GCLC: variants seen among roughly 807,000 people sequenced by gnomAD.
GCLC encodes the protein glutamate-cysteine ligase catalytic subunit.
GCLC carries 30 observed loss-of-function variants against 81.5 expected under a neutral mutation model. The ratio of observed to expected loss-of-function variants is 0.37; its 90% CI spans 0.28 to 0.50. The LOEUF (loss-of-function observed/expected upper bound fraction) is 0.50. Among genes scored for constraint, GCLC ranks in the 20% least tolerant of loss-of-function variants. The pLI, the probability that GCLC is intolerant of heterozygous loss-of-function variation, is 0.96. For synonymous variants in GCLC, 262 were observed against 273.3 expected, an observed-to-expected ratio of 0.96 and a Z score of 0.41; for missense variants, 556 against 777.4, an observed-to-expected ratio of 0.72 and a Z score of 3.39.
chr6:53,534,573 C>T (rs560519337), intron 1 of GCLC, among the ~76,000 whole-genome samples: 34 of 151,898 alleles, frequency 2.2e-4, no homozygotes, highest in African/African-American at 6.3e-4. Flanking sequence ...CCCTGAGAAA[C>T]GGGGGAAAAT....
At chr6:53,539,806 G>T (rs933425431) in intron 1 of GCLC, among the ~76,000 whole-genome samples, 1 of 152,058 alleles carries the variant, frequency 6.6e-6, no homozygotes, top group Non-Finnish European at 1.5e-5. Context: ...TTTTATCTGC[G>T]CAGCCTGTTT....
At chr6:53,508,778 T>C (rs557776752) in intron 7 of GCLC, 67 bp from the exon 8 acceptor site, 15 of 1,038,926 alleles carry the variant, frequency 1.4e-5, no homozygotes, top group Non-Finnish European at 2.1e-5. Flanking sequence ...AAAAGCTCCA[T>C]GCAGTTATAT....
Position 53,506,934 on chromosome 6 carries a change from A to G in GCLC, c.1176T>C (p.Ala392=). 1 of 1,579,102 alleles carries G rather than the reference A, an allele frequency of 6.3e-7. No homozygotes were observed. The highest frequency in any genetic ancestry group is 8.7e-7 in the Non-Finnish European group (1 of 1,147,946). The part of the protein sequence containing the change: ...LFEEKIHLDD[A]NESDHFENIQ... The stretch of plus-strand genomic sequence containing the variant: ...ATACCTCAAAATGGTCAGACTCATT[A>G]GCATCATCCAGGTGTATTTTCTCTT... The change falls in exon 10 of 16, where the codon GCT becomes GCC. Residue 392 remains alanine, a synonymous_variant. Coordinates refer to ENST00000650454, the MANE Select transcript of GCLC (RefSeq NM_001498.4). The surrounding 1 kb of genome is among the most constrained non-coding windows in gnomAD (Gnocchi z 4.0).
At chr6:53,511,221 G>A (rs1581733327) in intron 6 of GCLC, among the ~76,000 whole-genome samples, 4 of 149,574 alleles carry the variant, frequency 2.7e-5, no homozygotes, top group Admixed American at 2.0e-4. Flanking sequence ...GTGCTAAAGA[G>A]GATGACATGC....
chr6:53,501,084 T>C (rs1316919705), intron 12 of GCLC: 2 of 169,294 alleles, frequency 1.2e-5, no homozygotes, highest in Admixed American at 1.1e-4. Context: ...ACTCGGCTAA[T>C]TTTTTTGTAT....
chr6:53,544,464 G>C (rs199615735), intron 1 of GCLC, 32 bp downstream of exon 1: 195 of 1,601,244 alleles, frequency 1.2e-4, no homozygotes, highest in Non-Finnish European at 1.6e-4. Context: ...AGACACGGGT[G>C]CCCGGCGGGG....
In GCLC at chr6:53,507,039, TC is replaced by T; in HGVS notation, c.1085-15del. The T allele has an allele frequency of 2.1e-6, 3 of 1,403,006 alleles. No individual in the cohort carries two copies. Among genetic ancestry groups the T allele is most frequent in the Non-Finnish European group, 3.0e-6 (3 of 987,528 alleles). 86.9% of individuals were successfully genotyped at this position (1,403,006 alleles called of 1,614,324 possible). On this transcript the variant is annotated splice_polypyrimidine_tract_variant and intron_variant, in intron 9 of 15. Transcript: ENST00000650454. ...GATGATCAATGCCTGCAAAAAGAGATCACATGGGAACTCACTGCAAAGCGAG... is the reference window on the plus strand; with the variant it reads ...GATGATCAATGCCTGCAAAAAGAGATACATGGGAACTCACTGCAAAGCGAG...
At chr6:53,543,093 T>C (rs1470265816) in intron 1 of GCLC, among the ~76,000 whole-genome samples, 1 of 152,194 alleles carries the variant, frequency 6.6e-6, no homozygotes, top group Admixed American at 6.5e-5. Context: ...CTTGAAATAG[T>C]AGTTCATTCA....
Position 53,506,014 on chromosome 6 carries a change from C to A in GCLC, c.1198-119G>T. On this transcript the variant is annotated intron_variant, in intron 10 of 15. Transcript: ENST00000650454. The surrounding 1 kb of genome is among the most constrained non-coding windows in gnomAD (Gnocchi z 4.0). ...ACTGTCCATACCAAATTTCAATTGA[C>A]AAAGACAAAAAGGTACAATTGAAGA... 1 of 724,728 alleles carries A rather than the reference C, an allele frequency of 1.4e-6. No homozygotes were observed. Among genetic ancestry groups the A allele is most frequent in the Admixed American group, 1.9e-5 (1 of 51,318 alleles). The allele number at this position is 724,728 out of a possible 1,614,324, so 44.9% of individuals were successfully genotyped here. A position where few individuals can be genotyped will look rare whatever the true frequency, so the allele number is the denominator to read the frequency against.
At chr6:53,514,922 T>C (rs1258270216) in intron 4 of GCLC, among the ~76,000 whole-genome samples, 3 of 152,156 alleles carry the variant, frequency 2.0e-5, no homozygotes, top group Admixed American at 1.3e-4. Context: ...CCCTCATCTC[T>C]GCAGGATTAA....
chr6:53,514,529 T>G (rs1764825739), intron 4 of GCLC, 32 bp from the exon 5 acceptor site: 1 of 1,520,158 alleles, frequency 6.6e-7, no homozygotes, highest in Non-Finnish European at 9.1e-7. Flanking sequence ...CATAAATTGG[T>G]CACCTAAGAG....
intron 2 of GCLC, among the ~76,000 whole-genome samples, chr6:53,521,980 A>T (rs1381049427): frequency 6.6e-6 from 1 of 152,236 alleles, no homozygotes; most frequent in Non-Finnish European, 1.5e-5. Context: ...TCTCAAAAAA[A>T]AATCATGCCA....
intron 12 of GCLC, 42 bp from the exon 13 acceptor site, chr6:53,500,555 G>T: frequency 1.4e-6 from 2 of 1,380,046 alleles, no homozygotes; most frequent in Non-Finnish European, 2.1e-6. Context: ...AAATATTCTT[G>T]ATCAGACATA....
At position 53,517,085 on chromosome 6, in the gene GCLC, T is replaced by TAA. The variant is rs1764890123; in HGVS notation, c.447-864_447-863insTT. Among the ~76,000 whole-genome samples, 9 of 136,946 alleles carry TAA rather than the reference T, an allele frequency of 6.6e-5. No individual in the cohort carries two copies. In the South Asian group the frequency reaches 9.4e-4, roughly 14 times the overall value. 89.8% of individuals were successfully genotyped at this position (136,946 alleles called of 152,430 possible). A position where few individuals can be genotyped will look rare whatever the true frequency, so the allele number is the denominator to read the frequency against. On this transcript the variant is annotated intron_variant, in intron 3 of 15. Transcript: ENST00000650454. Reference sequence around the variant, plus strand: ...TCATATCTTTTAAAAAAAAATTTTTTTTTTTTTTTTTTTTTTTCTGAGAAA... The same window carrying TAA: ...TCATATCTTTTAAAAAAAAATTTTTTAATTTTTTTTTTTTTTTTTCTGAGAAA...
At chr6:53,511,818 G>A (rs1250379549) in intron 6 of GCLC, among the ~76,000 whole-genome samples, 1 of 123,320 alleles carries the variant, frequency 8.1e-6, no homozygotes, top group Non-Finnish European at 1.6e-5. Flanking sequence ...GTGGAGGGAG[G>A]AACTAAGGAA....
intron 3 of GCLC, among the ~76,000 whole-genome samples, chr6:53,520,393 T>C (rs1350469857): frequency 6.6e-6 from 1 of 152,228 alleles, no homozygotes; most frequent in African/African-American, 2.4e-5. Flanking sequence ...AGGGCGCAAC[T>C]GTCACAGTCA....
At chr6:53,508,198 T>C (rs1238348092) in intron 8 of GCLC, among the ~76,000 whole-genome samples, 2 of 152,110 alleles carry the variant, frequency 1.3e-5, no homozygotes, top group African/African-American at 4.8e-5. Context: ...GATGCAAGGG[T>C]TACTTTACAG....
chr6:53,507,202 G>C (rs989736999), intron 9 of GCLC, 177 bp from the exon 10 acceptor site: 9 of 680,264 alleles, frequency 1.3e-5, no homozygotes, highest in Admixed American at 4.4e-5. Context: ...GGACACTGCG[G>C]GAGTGTCAGC....
intron 3 of GCLC, among the ~76,000 whole-genome samples, chr6:53,520,519 T>C (rs986015380): frequency 1.3e-5 from 2 of 152,214 alleles, no homozygotes; most frequent in African/African-American, 4.8e-5. Context: ...TGCTGGTCTG[T>C]CATCACAGTA....
Sources: gnomAD v4.1 joint callset for allele counts (sites outside exome capture counted in the v4.1 genomes callset) on GRCh38, gnomAD v4.1.1 for gene constraint, Gnocchi (gnomAD v3.1) non-coding constraint, MANE v1.5 for transcripts, NCBI Gene and HGNC (gene_info 2026-07-23, HGNC 2026-07-21) for gene names.